The following MAST4 variants were observed in gnomAD, a reference collection of about 807,000 sequenced individuals.
MAST4 encodes the protein microtubule associated serine/threonine kinase family member 4, also known as microtubule-associated serine/threonine-protein kinase 4.
In MAST4, 89 loss-of-function variants were observed where a neutral mutation model predicts 162.7. The observed-to-expected ratio is 0.55, with a 90% CI of 0.46 to 0.65. The LOEUF (loss-of-function observed/expected upper bound fraction) is 0.65, where lower values mean the gene tolerates loss of function less well. Ranked by LOEUF, MAST4 falls within the 30% of genes least tolerant of loss-of-function variation. The probability of loss-of-function intolerance (pLI) is 0.00; values close to 1 mark genes in which losing one functional copy is unlikely to be tolerated. For missense variants in MAST4, 3,153 were observed against 3,374.0 expected (o/e 0.93, Z 1.62); for synonymous variants, 1,479 against 1,361.1 (o/e 1.09, Z -1.91).
intron 3 of MAST4, among the ~76,000 whole-genome samples, chr5:66,852,320 C>G (rs1759371620): frequency 6.6e-6 from 1 of 152,042 alleles, no homozygotes; most frequent in Admixed American, 6.6e-5. Context: ...AATTTTTGTA[C>G]TTTTTGTTGA....
rs1267915598 is a variant in MAST4, at chr5:66,845,089, A to ATTTATATATATATATATATATATATATT, written c.643-54861_643-54860insTTATATATATATATATATATATATATTT. On this transcript the variant is annotated intron_variant, in intron 3 of 28. Transcript: ENST00000403625. The stretch of plus-strand genomic sequence containing the variant: ...ACCCATTAAGGTCACTAATCTTTAT[A>ATTTATATATATATATATATATATATATT]TATATATATATATATATATATATAT... 2.0e-4 allele frequency among the ~76,000 whole-genome samples: 5 copies of ATTTATATATATATATATATATATATATT among 25,260 alleles called. No individual in the cohort carries two copies. In the South Asian group the frequency reaches 7.1e-3, roughly 36 times the overall value. 16.6% of individuals were successfully genotyped at this position (25,260 alleles called of 152,430 possible).
Position 67,149,607 on chromosome 5 carries a change from G to C in MAST4, c.3295+18G>C. On this transcript the variant is annotated intron_variant, in intron 24 of 28. Coordinates refer to ENST00000403625, the MANE Select transcript of MAST4 (RefSeq NM_001164664.2). ...CCCAGGAGGTAGAGAGATACTACTT[G>C]CATGAAATTGTGTGATTTGTGCATG... 1 of 1,610,312 alleles carries C rather than the reference G, an allele frequency of 6.2e-7. No homozygotes were observed. Among genetic ancestry groups the C allele is most frequent in the Non-Finnish European group, 8.5e-7 (1 of 1,177,660 alleles).
At chr5:66,710,895 C>A (rs573943159) in intron 1 of MAST4, among the ~76,000 whole-genome samples, 1 of 152,292 alleles carries the variant, frequency 6.6e-6, no homozygotes, top group East Asian at 1.9e-4. Context: ...ACAGTATGCA[C>A]ATTATGTGTG....
intron 5 of MAST4, among the ~76,000 whole-genome samples, chr5:67,089,646 A>G (rs1220536929): frequency 6.6e-6 from 1 of 152,206 alleles, no homozygotes; most frequent in African/African-American, 2.4e-5. Context: ...ACTAGTTCTG[A>G]CACATCCACC....
Position 67,136,570 on chromosome 5 carries a change from CA to C in MAST4, c.2402del (p.Asn801ThrfsTer16). On this transcript the variant is annotated frameshift_variant, in exon 19 of 29. Coordinates refer to ENST00000403625, the MANE Select transcript of MAST4 (RefSeq NM_001164664.2). LOFTEE classifies it high-confidence loss of function. ...AACTTTTCTTCCTTCTAGATGAGAT[CA>C]ACTGGCCTGAGAAGGATGAGGCACC... ...LFGQVISDEI[N>X]WPEKDEAPPP... is the part of the protein sequence containing the mutation. 1 of 1,601,788 alleles carries C rather than the reference CA, an allele frequency of 6.2e-7. No individual in the cohort carries two copies. Among genetic ancestry groups the C allele is most frequent in the Non-Finnish European group, 8.5e-7 (1 of 1,173,702 alleles).
intron 4 of MAST4, among the ~76,000 whole-genome samples, chr5:67,036,386 T>G (rs983419507): frequency 6.6e-6 from 1 of 152,164 alleles, no homozygotes; most frequent in African/African-American, 2.4e-5. Context: ...CATACCTACA[T>G]TCATACTCCC....
intron 4 of MAST4, among the ~76,000 whole-genome samples, chr5:67,011,539 A>T (rs1752671268): frequency 6.6e-6 from 1 of 152,014 alleles, no homozygotes; most frequent in Non-Finnish European, 1.5e-5. Flanking sequence ...CCGTCCAGTA[A>T]CCTGGGCTGC....
rs775749263 is a variant in MAST4 at position 67,153,452 on chromosome 5, C to T, written c.3526-6C>T. On this transcript the variant is annotated splice_polypyrimidine_tract_variant and splice_region_variant and intron_variant, in intron 25 of 28. Coordinates refer to ENST00000403625, the MANE Select transcript of MAST4 (RefSeq NM_001164664.2). ...CCTACAAATATCCTCTCCTCTTGGA[C>T]TTTAGAATGTAGAAGAAGGAAGTCC... 1.6e-5 allele frequency: 26 copies of T among 1,602,076 alleles called. No homozygotes were observed. The highest frequency in any genetic ancestry group is 3.4e-5 in the Admixed American group (2 of 58,632).
intron 4 of MAST4, among the ~76,000 whole-genome samples, chr5:67,011,920 A>AAACG (rs1173416917): frequency 6.6e-6 from 1 of 152,216 alleles, no homozygotes; most frequent in Non-Finnish European, 1.5e-5. Context: ...AGTAGATTTC[A>AAACG]AAAGAAATTC....
chr5:66,887,830 T>C (rs932118206), intron 3 of MAST4, among the ~76,000 whole-genome samples: 2 of 152,158 alleles, frequency 1.3e-5, no homozygotes, highest in Admixed American at 6.5e-5. Flanking sequence ...GGGTGTGAAA[T>C]AGGAAGCAGA....
chr5:66,799,263 G>A (rs990447407), intron 3 of MAST4, among the ~76,000 whole-genome samples: 1 of 152,140 alleles, frequency 6.6e-6, no homozygotes, highest in Non-Finnish European at 1.5e-5. Flanking sequence ...GTACTTTAGT[G>A]TACACACTGC....
Position 67,145,319 on chromosome 5 carries a change from G to T in MAST4, c.3034G>T (p.Ala1012Ser), listed in dbSNP as rs1404688168. Reference sequence around the variant, plus strand: ...GCCAGCCCTTCCTCCTGAAGAGTGTGCCCAGGAGGAGCCTGAGGTCACCAC... The same window carrying T: ...GCCAGCCCTTCCTCCTGAAGAGTGTTCCCAGGAGGAGCCTGAGGTCACCAC... ...GKPALPPEEC[A>S]QEEPEVTTPA... Residue 1012 changes from alanine (A) to serine (S), a missense_variant, in exon 23 of 29, where the codon GCC becomes TCC. Physicochemically the swap from Ala to Ser is moderately conservative, Grantham distance 99. Transcript: ENST00000403625. 2 of 1,613,684 alleles carry T rather than the reference G, an allele frequency of 1.2e-6. No individual in the cohort carries two copies. The highest frequency in any genetic ancestry group is 1.3e-5 in the African/African-American group (1 of 75,012).
chr5:66,815,733 T>G (rs1256616357), intron 3 of MAST4, among the ~76,000 whole-genome samples: 2 of 152,202 alleles, frequency 1.3e-5, no homozygotes, highest in African/African-American at 4.8e-5. Context: ...CAGATTTAAT[T>G]TATTAGGTTT....
Position 67,118,726 on chromosome 5 carries a change from C to T in MAST4, c.1636C>T (p.Pro546Ser). The change falls in exon 13 of 29, where the codon CCA (proline) becomes TCA (serine). Residue 546 changes from proline (P) to serine (S), a missense_variant. By Grantham distance (74) the Pro-to-Ser change is moderately conservative. Coordinates refer to ENST00000403625, the MANE Select transcript of MAST4 (RefSeq NM_001164664.2). ...GNYDSGTAET[P>S]ETDESVSSSN... The stretch of plus-strand genomic sequence containing the variant: ...CTACGATAGTGGGACAGCAGAAACA[C>T]CAGAAACAGATGAATCAGTGAGTGT... 1 of 1,574,414 alleles carries T rather than the reference C, an allele frequency of 6.4e-7. No individual in the cohort carries two copies. Among genetic ancestry groups the T allele is most frequent in the Non-Finnish European group, 8.7e-7 (1 of 1,155,860 alleles).
At chr5:66,841,112 A>G (rs139244288) in intron 3 of MAST4, among the ~76,000 whole-genome samples, 257 of 152,266 alleles carry the variant, frequency 1.7e-3, no homozygotes, top group Non-Finnish European at 2.6e-3. Context: ...AATGTGGTAA[A>G]ACTAAATAAG....
intron 2 of MAST4, among the ~76,000 whole-genome samples, chr5:66,761,038 A>G (rs79545916): frequency 6.6e-6 from 1 of 152,232 alleles, no homozygotes; most frequent in Non-Finnish European, 1.5e-5. Context: ...ACAGGTATGG[A>G]TGAACGATCC....
rs149562958 is a variant in MAST4, at chr5:66,688,027, C to G, written c.364-71682C>G. On this transcript the variant is annotated intron_variant, in intron 1 of 28. Coordinates refer to ENST00000403625, the MANE Select transcript of MAST4 (RefSeq NM_001164664.2). The stretch of plus-strand genomic sequence containing the variant: ...CTCTCCTTATGTCTAAATCTTATAT[C>G]CATGAAAATTGTTGAGCATGTTCTC... Among the ~76,000 whole-genome samples the G allele has an allele frequency of 3.3e-5, 5 of 152,232 alleles. No individual in the cohort carries two copies. In the East Asian group the frequency reaches 9.7e-4, roughly 29 times the overall value.
chr5:66,668,186 AT>A lies in MAST4; in HGVS notation c.363+71170del, dbSNP rs200821039. ...TTATACTTTCTATCTTTGGCTTAAT[AT>A]TCTGTAATTAGATATCAATACCTAT... On this transcript the variant is annotated intron_variant, in intron 1 of 28. Transcript: ENST00000403625. Among the ~76,000 whole-genome samples the A allele has an allele frequency of 1.5e-3, 228 of 152,340 alleles. 2 individuals carry two copies. In the South Asian group the frequency reaches 0.033, roughly 22 times the overall value.
chr5:67,078,204 A>T (rs1761910643), intron 5 of MAST4, among the ~76,000 whole-genome samples: 1 of 152,150 alleles, frequency 6.6e-6, no homozygotes, highest in Non-Finnish European at 1.5e-5. Flanking sequence ...TAAAAGCCAT[A>T]AAGGAAAGTG....
Sources: allele counts gnomAD v4.1 joint callset (sites outside exome capture counted in the v4.1 genomes callset), GRCh38; gene constraint gnomAD v4.1.1; transcripts MANE v1.5; gene names NCBI Gene and HGNC (gene_info 2026-07-23, HGNC 2026-07-21).